The following LAIR1 variants were observed in gnomAD, a reference collection of about 807,000 sequenced individuals.
LAIR1 encodes the protein leukocyte associated immunoglobulin like receptor 1, also known as leukocyte-associated immunoglobulin-like receptor 1.
A neutral mutation model predicts 32.8 loss-of-function variants in LAIR1; 24 were observed. The ratio of observed to expected loss-of-function variants is 0.73; its 90% CI spans 0.53 to 1.03. LAIR1 has a LOEUF of 1.03. Ranked by LOEUF, LAIR1 falls within the 50% of genes least tolerant of loss-of-function variation. LAIR1 has a pLI of 0.00. For missense variants in LAIR1, 355 were observed against 347.5 expected (o/e 1.02, Z -0.17); for synonymous variants, 150 against 140.5 (o/e 1.07, Z -0.48).
upstream of LAIR1, among the ~76,000 whole-genome samples, chr19:54,372,270 C>A (rs1486769115): frequency 6.6e-6 from 1 of 151,492 alleles, no homozygotes; most frequent in Non-Finnish European, 1.5e-5. Context: ...TCCCGTTGCT[C>A]CACATCCTCG....
chr19:54,363,307 G>A (rs1244012056), intron 2 of LAIR1, among the ~76,000 whole-genome samples: 2 of 151,796 alleles, frequency 1.3e-5, no homozygotes, highest in African/African-American at 4.8e-5. Flanking sequence ...TGGGTGACAT[G>A]GTGCATCCAG....
rs754685102 is a variant in LAIR1, at chr19:54,361,158, A to AG, written c.121dup (p.Leu41ProfsTer25). ...GCACACGAAAGTCACATGGCTCCCC[A>AG]GGGGGATCACGGTGCCTGGCTCAGC... On this transcript the variant is annotated frameshift_variant, in exon 3 of 10. Transcript: ENST00000391742. LOFTEE classifies it high-confidence loss of function. 1 of 1,614,146 alleles carries AG rather than the reference A, an allele frequency of 6.2e-7. No homozygotes were observed. Among genetic ancestry groups the AG allele is most frequent in the Admixed American group, 1.7e-5 (1 of 60,020 alleles).
chr19:54,361,042 A>T lies in LAIR1; in HGVS notation c.238T>A (p.Ser80Thr). The T allele has an allele frequency of 6.2e-7, 1 of 1,614,214 alleles. No homozygotes were observed. Among genetic ancestry groups the T allele is most frequent in the Non-Finnish European group, 8.5e-7 (1 of 1,180,038 alleles). ...ATGCGGAATCTGGCCTCTGACTCAGATGGACTAGCTTGAGACACATCTTCA... is the reference window on the plus strand; with the variant it reads ...ATGCGGAATCTGGCCTCTGACTCAGTTGGACTAGCTTGAGACACATCTTCA... The part of the protein sequence containing the change: ...DTEDVSQASP[S>T]ESEARFRIDS... Residue 80 changes from serine (S) to threonine (T), a missense_variant, in exon 3 of 10, where the codon TCT becomes ACT. Physicochemically the swap from Ser to Thr is moderately conservative, Grantham distance 58. Transcript: ENST00000391742.
At chr19:54,373,069 TTGCAGTGAGCCGAAA>T (rs957365708), upstream of LAIR1, among the ~76,000 whole-genome samples, 6 of 147,706 alleles carry the variant, frequency 4.1e-5, no homozygotes, top group African/African-American at 1.3e-4. Context: ...GAGGTAGAGG[TTGCAGTGAGCCGAAA>T]TCGCACCACT....
At chr19:54,372,022 A>T (rs1374596157), upstream of LAIR1, among the ~76,000 whole-genome samples, 1 of 151,642 alleles carries the variant, frequency 6.6e-6, no homozygotes, top group African/African-American at 2.4e-5. Context: ...GTCTGGACAC[A>T]TAGTTAATCC....
Position 54,356,606 on chromosome 19 carries a change from G to C in LAIR1, c.468C>G (p.Ser156=), listed in dbSNP as rs1158702658. Reference sequence around the variant, plus strand: ...ACAGATGCTCAGCTTTCAGGCCTTGGGAAGCAGGTGCATCTAAGAAAGACA... The same window carrying C: ...ACAGATGCTCAGCTTTCAGGCCTTGCGAAGCAGGTGCATCTAAGAAAGACA... ...DNSHNEHAPA[S]QGLKAEHLYI... Residue 156 remains serine (S), a synonymous_variant, in exon 6 of 10, where the codon TCC becomes TCG. Coordinates refer to ENST00000391742, the MANE Select transcript of LAIR1 (RefSeq NM_002287.6). 7 of 1,613,690 alleles carry C rather than the reference G, an allele frequency of 4.3e-6. No individual in the cohort carries two copies. Among genetic ancestry groups the C allele is most frequent in the Non-Finnish European group, 5.9e-6 (7 of 1,179,986 alleles).
At position 54,355,326 on chromosome 19, in the gene LAIR1, G is replaced by A; in HGVS notation, c.806C>T (p.Pro269Leu). Residue 269 changes from proline (P) to leucine (L), a missense_variant, in exon 10 of 10, where the codon CCA becomes CTA. Physicochemically the swap from Pro to Leu is moderately conservative, Grantham distance 98 (BLOSUM62 -3). Transcript: ENST00000391742. The surrounding 1 kb of genome is among the most constrained non-coding windows in gnomAD (Gnocchi z 4.7). ...LTQRTARAVSPQSTKPMAESI... is the reference protein window; with the variant it reads ...LTQRTARAVSLQSTKPMAESI... ...CTCGGCCATGGGCTTTGTGGACTGT[G>A]GGGACACAGCCCGGGCTGTCCTCTG... 6.2e-7 allele frequency: 1 copy of A among 1,613,504 alleles called. No individual in the cohort carries two copies. The highest frequency in any genetic ancestry group is 8.5e-7 in the Non-Finnish European group (1 of 1,179,678).
upstream of LAIR1, among the ~76,000 whole-genome samples, chr19:54,367,054 A>G (rs2082279833): frequency 1.3e-5 from 2 of 152,232 alleles, no homozygotes; most frequent in South Asian, 4.1e-4. Flanking sequence ...GTGCTGTACC[A>G]AAACATCTCA....
At chr19:54,357,308 T>A in intron 4 of LAIR1, 1 of 260,592 alleles carries the variant, frequency 3.8e-6, no homozygotes, top group East Asian at 7.2e-5. Flanking sequence ...TTCCTGGGCG[T>A]GAAGCTGTAG....
intron 4 of LAIR1, chr19:54,358,208 T>A (rs1172220554): frequency 6.8e-6 from 1 of 146,392 alleles, no homozygotes; most frequent in African/African-American, 2.5e-5. Context: ...ACATAATGTA[T>A]ACATAATAGA....
At chr19:54,362,732 C>A (rs2082085354) in intron 2 of LAIR1, among the ~76,000 whole-genome samples, 1 of 152,232 alleles carries the variant, frequency 6.6e-6, no homozygotes, top group African/African-American at 2.4e-5. Flanking sequence ...GTGATCCACC[C>A]ACCTCCGCCT....
At chr19:54,372,678 C>T (rs571594410), upstream of LAIR1, among the ~76,000 whole-genome samples, 20 of 150,292 alleles carry the variant, frequency 1.3e-4, 1 homozygote, top group African/African-American at 5.0e-4. Flanking sequence ...TTAGTACAGA[C>T]GGGGTTTCAC....
intron 8 of LAIR1, 79 bp downstream of exon 8, chr19:54,356,151 C>T (rs979200191): frequency 6.4e-6 from 9 of 1,412,058 alleles, no homozygotes; most frequent in African/African-American, 5.7e-5. Flanking sequence ...TTCTTCCCCC[C>T]ACCCCCCACA....
chr19:54,372,583 C>T (rs565885486), upstream of LAIR1, among the ~76,000 whole-genome samples: 6 of 150,316 alleles, frequency 4.0e-5, no homozygotes, highest in Non-Finnish European at 8.8e-5. Flanking sequence ...CTCCGCCTCC[C>T]GGGTTCAAGT....
upstream of LAIR1, among the ~76,000 whole-genome samples, chr19:54,371,407 TC>T (rs1361424087): frequency 6.6e-6 from 1 of 151,306 alleles, no homozygotes; most frequent in Non-Finnish European, 1.5e-5. Context: ...CCAGCGATCC[TC>T]CTGCCTCAGC....
Position 54,352,523 on chromosome 19 carries a change from C to A in LAIR1, c.*2745G>T, listed in dbSNP as rs925934777. On this transcript the variant is annotated 3_prime_UTR_variant, in exon 10 of 10. Transcript: ENST00000391742. ...TCTAATTTTCTGTCTTCTCTCTGGG[C>A]CCTTCCTCTTTCCACTAATATGTCA... The A allele has an allele frequency of 1.2e-4, 18 of 153,772 alleles. No homozygotes were observed. Among genetic ancestry groups the A allele is most frequent in the Admixed American group, 3.9e-4 (6 of 15,270 alleles). 9.5% of individuals were successfully genotyped at this position (153,772 alleles called of 1,614,324 possible).
At chr19:54,369,056 T>A (rs1226487443), upstream of LAIR1, among the ~76,000 whole-genome samples, 5 of 150,646 alleles carry the variant, frequency 3.3e-5, no homozygotes, top group Admixed American at 3.3e-4. Context: ...GTTGCAGAGG[T>A]ACAGAGAGTT....
upstream of LAIR1, chr19:54,365,172 C>T (rs2082214235): frequency 1.5e-6 from 1 of 654,592 alleles, no homozygotes. Context: ...TTAACGGTCG[C>T]AGCTCTTGGG....
At chr19:54,371,487 T>A (rs529497234), upstream of LAIR1, among the ~76,000 whole-genome samples, 20 of 151,254 alleles carry the variant, frequency 1.3e-4, 2 homozygotes, top group South Asian at 2.1e-4. Context: ...TTAGTAGAGA[T>A]GGGGTTTCGC....
Sources: allele counts gnomAD v4.1 joint callset (sites outside exome capture counted in the v4.1 genomes callset), GRCh38; gene constraint gnomAD v4.1.1; non-coding constraint Gnocchi (gnomAD v3.1); transcripts MANE v1.5; gene names NCBI Gene and HGNC (gene_info 2026-07-23, HGNC 2026-07-21).